The following KCNG1 variants were observed in gnomAD, a reference collection of about 807,000 sequenced individuals.
KCNG1 encodes voltage-gated potassium channel regulatory subunit KCNG1.
KCNG1 carries 17 observed loss-of-function variants against 32.4 expected under a neutral mutation model. The ratio of observed to expected loss-of-function variants is 0.52; its 90% CI spans 0.36 to 0.79. The LOEUF (loss-of-function observed/expected upper bound fraction) is 0.79. KCNG1 is among the 30% of genes least tolerant of loss of function. The probability of loss-of-function intolerance (pLI) is 0.00; values close to 1 mark genes in which losing one functional copy is unlikely to be tolerated. For missense variants in KCNG1, 441 were observed against 735.2 expected (o/e 0.60, Z 4.63); for synonymous variants, 358 against 339.9 (o/e 1.05, Z -0.59).
At chr20:51,019,867 T>C (rs1011955406) in intron 1 of KCNG1, among the ~76,000 whole-genome samples, 3 of 152,030 alleles carry the variant, frequency 2.0e-5, no homozygotes, top group Admixed American at 6.5e-5. Flanking sequence ...AAAACGTTAA[T>C]CAAAATGGAT....
In KCNG1 at chr20:51,009,756, C is replaced by A. The variant is rs373738017; in HGVS notation, c.583G>T (p.Asp195Tyr). The A allele has an allele frequency of 6.2e-7, 1 of 1,609,476 alleles. No homozygotes were observed. Among genetic ancestry groups the A allele is most frequent in the Non-Finnish European group, 8.5e-7 (1 of 1,179,590 alleles). ...TCGCCCTCGGCCGGGCCCTCGCTGT[C>A]GCGGCCCTCGCTGTCCAGCGCGTCG... ...EDDALDSEGR[D>Y]SEGPAEGEGR... The change falls in exon 2 of 3, where the codon GAC (aspartate) becomes TAC (tyrosine). Residue 195 changes from aspartate to tyrosine, a missense_variant. Physicochemically the swap from Asp to Tyr is radical, Grantham distance 160. Coordinates refer to ENST00000371571, the MANE Select transcript of KCNG1 (RefSeq NM_002237.4).
At chr20:51,010,824 G>A (rs559341221) in intron 1 of KCNG1, among the ~76,000 whole-genome samples, 1 of 152,156 alleles carries the variant, frequency 6.6e-6, no homozygotes, top group South Asian at 2.1e-4. Flanking sequence ...GAACATGGGA[G>A]GCGAAGGTTG....
chr20:51,008,225 C>G (rs1987912533), intron 2 of KCNG1, among the ~76,000 whole-genome samples: 1 of 152,166 alleles, frequency 6.6e-6, no homozygotes, highest in African/African-American at 2.4e-5. Context: ...GAACTGGGCC[C>G]CTGTGGACTT....
chr20:51,009,995 A>C lies in KCNG1; in HGVS notation c.344T>G (p.Phe115Cys). 6.2e-7 allele frequency: 1 copy of C among 1,614,060 alleles called. No homozygotes were observed. Among genetic ancestry groups the C allele is most frequent in the African/African-American group, 1.3e-5 (1 of 75,064 alleles). ...GGCCCCCGGGTTGCGGTCGAAGAAG[A>C]ACTCGTTGCAGGTGACGTCGTAGTC... ...CDDYDVTCNE[F>C]FFDRNPGAFG... The change falls in exon 2 of 3, where the codon TTC (phenylalanine) becomes TGC (cysteine). Residue 115 changes from phenylalanine to cysteine, a missense_variant. Physicochemically the swap from Phe to Cys is radical, Grantham distance 205 (BLOSUM62 -2). Transcript: ENST00000371571.
intron 1 of KCNG1, 38 bp from the exon 2 acceptor site, chr20:51,010,402 C>G: frequency 7.4e-7 from 1 of 1,356,614 alleles, no homozygotes; most frequent in East Asian, 2.3e-5. Context: ...CAGTGACCAC[C>G]CCTAGCTTCA....
intron 2 of KCNG1, among the ~76,000 whole-genome samples, chr20:51,008,500 A>AT (rs1397481786): frequency 8.6e-5 from 5 of 58,018 alleles, no homozygotes; most frequent in African/African-American, 2.1e-4. Context: ...TGGCTAATTA[A>AT]ATTTTTTTTT....
chr20:51,014,450 G>A (rs1988204382), intron 1 of KCNG1, among the ~76,000 whole-genome samples: 1 of 152,240 alleles, frequency 6.6e-6, no homozygotes, highest in Non-Finnish European at 1.5e-5. Context: ...GTGGGTTTAA[G>A]TGATTTTGCC....
Position 51,009,700 on chromosome 20 carries a change from C to T in KCNG1, c.639G>A (p.Leu213=). ...EGRLGRCMRR[L]RDMVERPHSG... is the part of the protein sequence containing the mutation. ...AGTGCGGCCTCTCCACCATGTCGCG[C>T]AGTCGCCGCATGCAGCGCCCCAGGC... The change falls in exon 2 of 3, where the codon CTG becomes CTA. Residue 213 remains leucine, a synonymous_variant. Transcript: ENST00000371571. The T allele has an allele frequency of 6.2e-7, 1 of 1,604,266 alleles. No individual in the cohort carries two copies. The highest frequency in any genetic ancestry group is 8.5e-7 in the Non-Finnish European group (1 of 1,178,320).
chr20:51,021,750 G>T (rs1031337728), intron 1 of KCNG1, among the ~76,000 whole-genome samples: 1 of 152,102 alleles, frequency 6.6e-6, no homozygotes, highest in Non-Finnish European at 1.5e-5. Flanking sequence ...TAATAACAGC[G>T]AGTGCTTAAG....
intron 2 of KCNG1, among the ~76,000 whole-genome samples, chr20:51,007,735 A>G (rs1015962768): frequency 6.6e-6 from 1 of 151,652 alleles, no homozygotes; most frequent in African/African-American, 2.4e-5. Flanking sequence ...AGATCGCACC[A>G]CTGTACTCCA....
rs934355144 is a variant in KCNG1 at position 51,015,440 on chromosome 20, A to G, written c.-26-5076T>C. 1.5e-4 allele frequency among the ~76,000 whole-genome samples: 23 copies of G among 152,154 alleles called. No individual in the cohort carries two copies. Among genetic ancestry groups the G allele is most frequent in the African/African-American group, 4.6e-4 (19 of 41,428 alleles). Reference sequence around the variant, plus strand: ...TCCCAAGGACGGTGCCAGACCATCAATGCTGAGCTGATGGGTGTGTGTTTG... The same window carrying G: ...TCCCAAGGACGGTGCCAGACCATCAGTGCTGAGCTGATGGGTGTGTGTTTG... On this transcript the variant is annotated intron_variant, in intron 1 of 2. Transcript: ENST00000371571. The surrounding 1 kb of genome is among the most constrained non-coding windows in gnomAD (Gnocchi z 4.4).
rs1988028524 is a variant in KCNG1, at chr20:51,010,295, G to C, written c.44C>G (p.Ala15Gly). ...GGAGGCGTCCGAGGTGCAGCTCAGCGCGCTGTAGTCGTAGTCAGAATTGTC... is the reference window on the plus strand; with the variant it reads ...GGAGGCGTCCGAGGTGCAGCTCAGCCCGCTGTAGTCGTAGTCAGAATTGTC... ...PGDNSDYDYS[A>G]LSCTSDASFH... Residue 15 changes from alanine (A) to glycine (G), a missense_variant, in exon 2 of 3, where the codon GCG becomes GGG. Physicochemically the swap from Ala to Gly is moderately conservative, Grantham distance 60. This residue lies in a region of KCNG1 where 85 missense variants were observed against 98.2 expected (regional missense o/e 0.87). Coordinates refer to ENST00000371571, the MANE Select transcript of KCNG1 (RefSeq NM_002237.4). 6.6e-7 allele frequency: 1 copy of C among 1,514,286 alleles called. No homozygotes were observed. The highest frequency in any genetic ancestry group is 1.3e-5 in the South Asian group (1 of 76,088). The allele number at this position is 1,514,286 out of a possible 1,614,324, so 93.8% of individuals were successfully genotyped here.
chr20:51,021,875 G>A lies in KCNG1; in HGVS notation c.-27+995C>T, dbSNP rs111545956. Reference sequence around the variant, plus strand: ...TCCTCCCCACCCTACCCCATCACCCGCCCCTAAGGAGCTTTGAAAAGATCT... The same window carrying A: ...TCCTCCCCACCCTACCCCATCACCCACCCCTAAGGAGCTTTGAAAAGATCT... On this transcript the variant is annotated intron_variant, in intron 1 of 2. Coordinates refer to ENST00000371571, the MANE Select transcript of KCNG1 (RefSeq NM_002237.4). Among the ~76,000 whole-genome samples, 6 of 143,580 alleles carry A rather than the reference G, an allele frequency of 4.2e-5. No individual in the cohort carries two copies. In the South Asian group the frequency reaches 1.0e-3, roughly 24 times the overall value. The allele number at this position is 143,580 out of a possible 152,430, so 94.2% of individuals were successfully genotyped here.
chr20:51,010,588 G>C (rs927274888), intron 1 of KCNG1, among the ~76,000 whole-genome samples: 1 of 152,178 alleles, frequency 6.6e-6, no homozygotes, highest in Non-Finnish European at 1.5e-5. Flanking sequence ...GATGGGATTC[G>C]TGTTCTTATA....
At chr20:51,017,100 TAACA>T (rs1237543253) in intron 1 of KCNG1, among the ~76,000 whole-genome samples, 9 of 152,066 alleles carry the variant, frequency 5.9e-5, no homozygotes, top group Non-Finnish European at 1.2e-4. Flanking sequence ...TGGAAGAGAG[TAACA>T]AACAAGGTAC....
At position 51,009,987 on chromosome 20, in the gene KCNG1, CGAA is replaced by C. The variant is rs1988004132; in HGVS notation, c.349_351del (p.Phe117del). 7 of 1,614,000 alleles carry C rather than the reference CGAA, an allele frequency of 4.3e-6. No individual in the cohort carries two copies. Among genetic ancestry groups the C allele is most frequent in the South Asian group, 1.1e-5 (1 of 91,074 alleles). The stretch of plus-strand genomic sequence containing the variant: ...GTGCCGAAGGCCCCCGGGTTGCGGT[CGAA>C]GAAGAACTCGTTGCAGGTGACGTCG... On this transcript the variant is annotated inframe_deletion, in exon 2 of 3. Transcript: ENST00000371571.
Position 51,004,738 on chromosome 20 carries a change from C to G in KCNG1, c.843G>C (p.Leu281=). ...VESVCVGWFS[L]EFLLRLIQAP... ...CCTGAATGAGCCGCAGGAGGAACTC[C>G]AGGGAGAACCAGCCCACGCACACCG... Residue 281 remains leucine, a synonymous_variant, in exon 3 of 3, where the codon CTG becomes CTC. Transcript: ENST00000371571. The surrounding 1 kb of genome is among the most constrained non-coding windows in gnomAD (Gnocchi z 4.3). 1 of 1,593,966 alleles carries G rather than the reference C, an allele frequency of 6.3e-7. No individual in the cohort carries two copies. Among genetic ancestry groups the G allele is most frequent in the Non-Finnish European group, 8.5e-7 (1 of 1,169,988 alleles).
intron 1 of KCNG1, among the ~76,000 whole-genome samples, chr20:51,014,889 G>C (rs531061111): frequency 2.0e-5 from 3 of 152,294 alleles, no homozygotes; most frequent in African/African-American, 7.2e-5. Context: ...GGACCTGGCA[G>C]AGGGAGTGGC....
chr20:51,016,412 G>A (rs1988281277), intron 1 of KCNG1, among the ~76,000 whole-genome samples: 1 of 152,114 alleles, frequency 6.6e-6, no homozygotes, highest in African/African-American at 2.4e-5. Flanking sequence ...ACTCCAGCCT[G>A]GGCGACAGAG....
Sources: allele counts gnomAD v4.1 joint callset (sites outside exome capture counted in the v4.1 genomes callset), GRCh38; gene constraint gnomAD v4.1.1; regional missense constraint gnomAD v4.1.1; non-coding constraint Gnocchi (gnomAD v3.1); transcripts MANE v1.5; gene names NCBI Gene and HGNC (gene_info 2026-07-23, HGNC 2026-07-21).